Variants in ALDH1A2 observed in about 807,000 individuals in gnomAD.
ALDH1A2 encodes the protein aldehyde dehydrogenase 1 family member A2.
A neutral mutation model predicts 60.3 loss-of-function variants in ALDH1A2; 27 were observed. The ratio of observed to expected loss-of-function variants is 0.45; its 90% CI spans 0.33 to 0.62. The LOEUF (loss-of-function observed/expected upper bound fraction) is 0.62. Ranked by LOEUF, ALDH1A2 falls within the 20% of genes least tolerant of loss-of-function variation. ALDH1A2 has a pLI of 0.02. For synonymous variants in ALDH1A2, 289 were observed against 232.4 expected, an observed-to-expected ratio of 1.24 and a Z score of -2.21; for missense variants, 581 against 643.8, an observed-to-expected ratio of 0.90 and a Z score of 1.06.
chr15:58,051,836 T>A (rs1896785100), intron 1 of ALDH1A2, among the ~76,000 whole-genome samples: 1 of 152,160 alleles, frequency 6.6e-6, no homozygotes. Flanking sequence ...TAGACTCAAG[T>A]GAAAAGCTGT....
At chr15:58,004,633 T>G (rs1477947310) in intron 4 of ALDH1A2, among the ~76,000 whole-genome samples, 1 of 151,352 alleles carries the variant, frequency 6.6e-6, no homozygotes, top group African/African-American at 2.4e-5. Flanking sequence ...TCCAACCCCA[T>G]CCATGTTGCT....
chr15:58,034,434 T>C (rs1419153906), intron 1 of ALDH1A2, among the ~76,000 whole-genome samples: 1 of 151,636 alleles, frequency 6.6e-6, no homozygotes, highest in Non-Finnish European at 1.5e-5. Flanking sequence ...AAAAAAGACA[T>C]TTTTCCTTCC....
intron 7 of ALDH1A2, among the ~76,000 whole-genome samples, chr15:57,972,341 A>C (rs1894098263): frequency 6.6e-6 from 1 of 152,138 alleles, no homozygotes; most frequent in Non-Finnish European, 1.5e-5. Flanking sequence ...TGCATCATCT[A>C]CCACTAACAT....
At chr15:57,959,865 CTA>C (rs1166354769) in intron 12 of ALDH1A2, among the ~76,000 whole-genome samples, 1 of 152,034 alleles carries the variant, frequency 6.6e-6, no homozygotes, top group Non-Finnish European at 1.5e-5. Flanking sequence ...ATCCTCTGCT[CTA>C]GTCTTGTTGG....
At chr15:58,010,499 G>T in intron 4 of ALDH1A2, 150 bp downstream of exon 4, 2 of 879,294 alleles carry the variant, frequency 2.3e-6, no homozygotes, top group Non-Finnish European at 3.5e-6. Context: ...CAGAGTCAGT[G>T]ACATAATTTG....
At chr15:58,048,867 T>C (rs1399536890) in intron 1 of ALDH1A2, among the ~76,000 whole-genome samples, 1 of 152,038 alleles carries the variant, frequency 6.6e-6, no homozygotes, top group East Asian at 1.9e-4. Context: ...ATGTATCTGA[T>C]GAGTTTTAGC....
At chr15:58,041,358 T>C (rs1355951649) in intron 1 of ALDH1A2, among the ~76,000 whole-genome samples, 2 of 152,122 alleles carry the variant, frequency 1.3e-5, no homozygotes, top group South Asian at 2.1e-4. Flanking sequence ...GTGTGTTACA[T>C]GCGCCATAAA....
At chr15:58,032,323 G>A (rs1446131352) in intron 1 of ALDH1A2, among the ~76,000 whole-genome samples, 2 of 152,228 alleles carry the variant, frequency 1.3e-5, no homozygotes, top group Non-Finnish European at 2.9e-5. Context: ...CATGGACACA[G>A]GAAGGGGAAC....
At chr15:57,991,529 C>G (rs188647883) in intron 7 of ALDH1A2, 1 of 152,266 alleles carries the variant, frequency 6.6e-6, no homozygotes, top group African/African-American at 2.4e-5. Flanking sequence ...TAGATCTGTG[C>G]TGTCCAATAC....
chr15:58,059,990 T>C (rs1309091060), intron 1 of ALDH1A2, among the ~76,000 whole-genome samples: 3 of 152,366 alleles, frequency 2.0e-5, no homozygotes, highest in East Asian at 3.9e-4. Context: ...TGGTATGATC[T>C]GAGCTTATTG....
At chr15:57,992,619 C>G (rs1894932362) in intron 7 of ALDH1A2, 86 bp downstream of exon 7, 1 of 1,251,538 alleles carries the variant, frequency 8.0e-7, no homozygotes, top group Non-Finnish European at 1.2e-6. Flanking sequence ...TGGTGTCTAG[C>G]CTATGGGTAC....
At position 57,954,898 on chromosome 15, in the gene ALDH1A2, C is replaced by A; in HGVS notation, c.*299G>T. ...CAAAGACATGAAATAATACAGCTCCCTTATTTCATCCTGTGCTCCAGAAGG... is the reference window on the plus strand; with the variant it reads ...CAAAGACATGAAATAATACAGCTCCATTATTTCATCCTGTGCTCCAGAAGG... On this transcript the variant is annotated 3_prime_UTR_variant, in exon 13 of 13. Coordinates refer to ENST00000249750, the MANE Select transcript of ALDH1A2 (RefSeq NM_003888.4). 1 of 472,804 alleles carries A rather than the reference C, an allele frequency of 2.1e-6. No individual in the cohort carries two copies. Among genetic ancestry groups the A allele is most frequent in the Non-Finnish European group, 3.9e-6 (1 of 257,968 alleles). 29.3% of individuals were successfully genotyped at this position (472,804 alleles called of 1,614,324 possible).
At chr15:57,962,739 T>C (rs1893767545) in intron 9 of ALDH1A2, among the ~76,000 whole-genome samples, 1 of 152,088 alleles carries the variant, frequency 6.6e-6, no homozygotes, top group South Asian at 2.1e-4. Context: ...CCCAAAAAAC[T>C]GACGGAGTTA....
intron 7 of ALDH1A2, among the ~76,000 whole-genome samples, chr15:57,967,503 C>T (rs1375157319): frequency 4.6e-5 from 7 of 152,218 alleles, no homozygotes; most frequent in African/African-American, 1.7e-4. Context: ...CCCAAACTGC[C>T]TGTGCTGTTA....
chr15:57,977,700 C>T (rs992865247), intron 7 of ALDH1A2, among the ~76,000 whole-genome samples: 2 of 152,216 alleles, frequency 1.3e-5, no homozygotes, highest in East Asian at 1.9e-4. Context: ...TATACAGGGT[C>T]TTTTTTGATT....
intron 1 of ALDH1A2, among the ~76,000 whole-genome samples, chr15:58,056,278 T>G (rs1340844305): frequency 6.6e-6 from 1 of 152,100 alleles, no homozygotes; most frequent in African/African-American, 2.4e-5. Context: ...TCTCCTATTT[T>G]CCCATTATAG....
intron 7 of ALDH1A2, among the ~76,000 whole-genome samples, chr15:57,991,950 C>T (rs1188096374): frequency 1.3e-5 from 2 of 152,172 alleles, no homozygotes; most frequent in Non-Finnish European, 2.9e-5. Context: ...ACTTGTGACT[C>T]TGTAACAGGG....
At chr15:58,046,960 A>G (rs567497836) in intron 1 of ALDH1A2, among the ~76,000 whole-genome samples, 22 of 152,182 alleles carry the variant, frequency 1.4e-4, no homozygotes, top group African/African-American at 5.3e-4. Flanking sequence ...TAAAGATTCA[A>G]AACAGTGAAA....
At chr15:58,008,945 G>T (rs1414507866) in intron 4 of ALDH1A2, among the ~76,000 whole-genome samples, 1 of 152,062 alleles carries the variant, frequency 6.6e-6, no homozygotes, top group Non-Finnish European at 1.5e-5. Flanking sequence ...TATCCTTAGA[G>T]TCAGAACTGA....
Sources: allele counts gnomAD v4.1 joint callset (sites outside exome capture counted in the v4.1 genomes callset), GRCh38; gene constraint gnomAD v4.1.1; transcripts MANE v1.5; gene names NCBI Gene and HGNC (gene_info 2026-07-23, HGNC 2026-07-21).